The following GPHN variants were observed in gnomAD, a reference collection of about 807,000 sequenced individuals.
GPHN encodes the protein gephyrin.
A neutral mutation model predicts 95.5 loss-of-function variants in GPHN; 17 were observed. The ratio of observed to expected loss-of-function variants is 0.18; its 90% CI spans 0.12 to 0.27. The LOEUF (loss-of-function observed/expected upper bound fraction) is 0.27. Among genes scored for constraint, GPHN ranks in the 10% least tolerant of loss-of-function variants. The pLI, the probability that GPHN is intolerant of heterozygous loss-of-function variation, is 1.00. For synonymous variants in GPHN, 320 were observed against 322.5 expected (o/e 0.99, Z 0.08); for missense variants, 660 against 978.1 (o/e 0.67, Z 4.34).
chr14:67,345,258 T>C, the GPHN span, among the ~76,000 whole-genome samples: 1 of 144,850 alleles, frequency 6.9e-6, no homozygotes, highest in Non-Finnish European at 1.5e-5. Flanking sequence ...TAAATAAATT[T>C]TTAAATTAAA....
chr14:67,669,459 G>A, the GPHN span, among the ~76,000 whole-genome samples: 152 of 151,064 alleles, frequency 1.0e-3, no homozygotes, highest in African/African-American at 3.5e-3. Flanking sequence ...GTAGAGATAG[G>A]TCTCACCATG....
At chr14:66,750,609 ACTT>A (rs1352424631) in intron 2 of GPHN, among the ~76,000 whole-genome samples, 1 of 151,926 alleles carries the variant, frequency 6.6e-6, no homozygotes, top group African/African-American at 2.4e-5. Context: ...GTCAACATGT[ACTT>A]CTTTAATTTT....
chr14:67,480,969 AG>A, the GPHN span, among the ~76,000 whole-genome samples: 1 of 152,142 alleles, frequency 6.6e-6, no homozygotes, highest in Non-Finnish European at 1.5e-5. Context: ...TGTCAAAGGG[AG>A]AGAGAAACCT....
At chr14:66,592,077 T>A (rs879157521) in intron 1 of GPHN, among the ~76,000 whole-genome samples, 1 of 152,180 alleles carries the variant, frequency 6.6e-6, no homozygotes, top group Non-Finnish European at 1.5e-5. Context: ...TAATAAATGG[T>A]GTTGGGAAAA....
the GPHN span, among the ~76,000 whole-genome samples, chr14:67,611,666 C>T: frequency 4.9e-4 from 75 of 152,260 alleles, 1 homozygote; most frequent in East Asian, 0.014. Context: ...AAAAGGCAAG[C>T]AGGTTTTATC....
At chr14:67,660,111 C>T in the GPHN span, 2 of 567,184 alleles carry the variant, frequency 3.5e-6, no homozygotes, top group Admixed American at 3.4e-5. Flanking sequence ...TAGTGCCCAG[C>T]AAGCACAGAG....
rs1466177046 is a variant in GPHN at position 66,631,186 on chromosome 14, T to A, written c.65-49921T>A. Among the ~76,000 whole-genome samples, 8 of 152,168 alleles carry A rather than the reference T, an allele frequency of 5.3e-5. No homozygotes were observed. In the East Asian group the frequency reaches 1.6e-3, roughly 30 times the overall value. On this transcript the variant is annotated intron_variant, in intron 1 of 22. Coordinates refer to ENST00000478722, the MANE Select transcript of GPHN (RefSeq NM_020806.5). ...TCCTCAGCCTCCTGAGTAGCTGGGA[T>A]AACAGGCACTCACCACCATGCCTGG... is the stretch of plus-strand genomic sequence containing the variant.
the GPHN span, among the ~76,000 whole-genome samples, chr14:67,675,174 A>G: frequency 1.1e-3 from 169 of 152,180 alleles, no homozygotes; most frequent in African/African-American, 3.9e-3. Flanking sequence ...CGGGAGGTGG[A>G]GCACTTTTCT....
intron 1 of GPHN, among the ~76,000 whole-genome samples, chr14:66,680,651 A>T (rs78453952): frequency 0.013 from 2,023 of 152,360 alleles, 21 homozygotes; most frequent in Middle Eastern, 0.02. Flanking sequence ...AATAATCAGC[A>T]GGATTAGCTG....
intron 10 of GPHN, among the ~76,000 whole-genome samples, chr14:67,057,026 T>G (rs1251442299): frequency 6.6e-6 from 1 of 151,468 alleles, no homozygotes; most frequent in African/African-American, 2.4e-5. Context: ...GGCCCGCAAG[T>G]GCCACCCACA....
chr14:66,897,879 A>C (rs913220525), intron 5 of GPHN, among the ~76,000 whole-genome samples: 31 of 152,242 alleles, frequency 2.0e-4, no homozygotes, highest in Middle Eastern at 3.4e-3. Context: ...ATCATTTTAC[A>C]ATCACACCAA....
intron 4 of GPHN, among the ~76,000 whole-genome samples, chr14:66,858,296 G>T (rs574119578): frequency 6.6e-6 from 1 of 151,810 alleles, no homozygotes; most frequent in East Asian, 2.0e-4. Context: ...GAACAGTAAA[G>T]GGGACTTTGT....
intron 8 of GPHN, among the ~76,000 whole-genome samples, chr14:66,926,213 G>A (rs2066475931): frequency 6.6e-6 from 1 of 151,922 alleles, no homozygotes; most frequent in Non-Finnish European, 1.5e-5. Context: ...TTTCTTGATT[G>A]TTTCCTTTGT....
At chr14:67,412,087 C>T in the GPHN span, 1 of 1,504,996 alleles carries the variant, frequency 6.6e-7, no homozygotes, top group Non-Finnish European at 8.9e-7. Flanking sequence ...AGGGCCACCC[C>T]AGGTGCGCCT....
the GPHN span, among the ~76,000 whole-genome samples, chr14:67,321,519 C>T: frequency 6.6e-6 from 1 of 152,146 alleles, no homozygotes; most frequent in Admixed American, 6.5e-5. Context: ...TTTTGAATTT[C>T]AGAATTTCTC....
intron 1 of GPHN, among the ~76,000 whole-genome samples, chr14:66,552,112 A>G (rs1241864826): frequency 1.3e-5 from 2 of 152,086 alleles, no homozygotes; most frequent in Admixed American, 6.5e-5. Flanking sequence ...ATTTTTCCCC[A>G]CATCTACTTA....
intron 5 of GPHN, 114 bp downstream of exon 5, chr14:66,880,147 A>G: frequency 1.4e-6 from 1 of 734,282 alleles, no homozygotes; most frequent in South Asian, 1.5e-5. Flanking sequence ...TAGTCCACAT[A>G]AAGTTCTTAG....
chr14:67,323,152 A>C, the GPHN span, among the ~76,000 whole-genome samples: 1 of 151,878 alleles, frequency 6.6e-6, no homozygotes, highest in Non-Finnish European at 1.5e-5. Context: ...ACATTTCATT[A>C]CATAAAAGAG....
intron 2 of GPHN, among the ~76,000 whole-genome samples, chr14:66,763,938 C>T (rs1396454346): frequency 3.9e-5 from 6 of 152,248 alleles, no homozygotes; most frequent in East Asian, 3.9e-4. Flanking sequence ...ACATTGTGTG[C>T]GCCTTATGAG....
Sources: gnomAD v4.1 joint callset for allele counts (sites outside exome capture counted in the v4.1 genomes callset) on GRCh38, gnomAD v4.1.1 for gene constraint, MANE v1.5 for transcripts, NCBI Gene and HGNC (gene_info 2026-07-23, HGNC 2026-07-21) for gene names.